Variants in NAV3 observed in about 807,000 individuals in gnomAD.
NAV3 encodes pore membrane and/or filament interacting like protein 1.
NAV3 carries 87 observed loss-of-function variants against 244.7 expected under a neutral mutation model. The ratio of observed to expected loss-of-function variants is 0.36; its 90% CI spans 0.30 to 0.42. NAV3 has a LOEUF of 0.42. Ranked by LOEUF, NAV3 falls within the 20% of genes least tolerant of loss-of-function variation. The probability of loss-of-function intolerance (pLI) is 1.00; values close to 1 mark genes in which losing one functional copy is unlikely to be tolerated. For synonymous variants in NAV3, 1,126 were observed against 1,042.2 expected (o/e 1.08, Z -1.55); for missense variants, 2,663 against 2,893.3 (o/e 0.92, Z 1.83).
rs1871243266 is a variant in NAV3 at position 77,618,783 on chromosome 12, T to C, written c.72+46517T>C. On this transcript the variant is annotated intron_variant, in intron 2 of 8. Transcript: ENST00000550042. ...AGAAATAGAGAAAGAAGGAAGAAGA[T>C]AGGAAGGAAGACAAGGCTGTACTTT... Among the ~76,000 whole-genome samples the C allele has an allele frequency of 2.0e-5, 3 of 152,244 alleles. No homozygotes were observed. In the South Asian group the frequency reaches 6.2e-4, roughly 32 times the overall value.
At chr12:78,083,895 C>T (rs903209329) in intron 12 of NAV3, among the ~76,000 whole-genome samples, 1 of 152,078 alleles carries the variant, frequency 6.6e-6, no homozygotes, top group African/African-American at 2.4e-5. Context: ...TCAAAATAAC[C>T]AGCCAAACAA....
intron 30 of NAV3, among the ~76,000 whole-genome samples, chr12:78,181,678 G>A (rs1217784077): frequency 6.6e-6 from 1 of 152,000 alleles, no homozygotes; most frequent in Admixed American, 6.6e-5. Context: ...ATCATTTCAA[G>A]GATAGAGAAT....
intron 1 of NAV3, among the ~76,000 whole-genome samples, chr12:77,936,425 G>C (rs1339782142): frequency 1.3e-5 from 2 of 152,146 alleles, no homozygotes; most frequent in Non-Finnish European, 2.9e-5. Context: ...ACTGGCTTCA[G>C]ATTTCCAGAG....
At chr12:77,589,670 T>A in intron 2 of NAV3, among the ~76,000 whole-genome samples, 1 of 152,360 alleles carries the variant, frequency 6.6e-6, no homozygotes, top group Admixed American at 6.5e-5. Flanking sequence ...ACCACCCCCA[T>A]GATTCAATCA....
chr12:77,595,841 A>G (rs927661919), intron 2 of NAV3, among the ~76,000 whole-genome samples: 3 of 152,184 alleles, frequency 2.0e-5, no homozygotes, highest in Non-Finnish European at 4.4e-5. Flanking sequence ...TATGAAGTAT[A>G]TTTGCTTTGC....
chr12:77,584,435 T>A (rs1363886151), intron 2 of NAV3, among the ~76,000 whole-genome samples: 1 of 152,156 alleles, frequency 6.6e-6, no homozygotes, highest in African/African-American at 2.4e-5. Context: ...AAAAAAAATT[T>A]TTTTTTTAAT....
chr12:78,097,815 C>CT lies in NAV3; in HGVS notation c.2637-18951dup, dbSNP rs1162902830. Reference sequence around the variant, plus strand: ...ACTAAGTTGTTGAGCTTTATCTAAGCTTTTTTATTTTTACATAACGTTTCC... The same window carrying CT: ...ACTAAGTTGTTGAGCTTTATCTAAGCTTTTTTTATTTTTACATAACGTTTCC... On this transcript the variant is annotated intron_variant, in intron 12 of 39. Coordinates refer to ENST00000397909, the MANE Select transcript of NAV3 (RefSeq NM_001024383.2). Among the ~76,000 whole-genome samples, 115 of 152,144 alleles carry CT rather than the reference C, an allele frequency of 7.6e-4. 1 individual carries two copies. Among genetic ancestry groups the CT allele is most frequent in the African/African-American group, 2.1e-3 (89 of 41,542 alleles).
At chr12:78,136,683 C>G (rs1956386838) in intron 18 of NAV3, among the ~76,000 whole-genome samples, 1 of 152,016 alleles carries the variant, frequency 6.6e-6, no homozygotes, top group Admixed American at 6.6e-5. Flanking sequence ...AATGATGGTC[C>G]TAATCATGAA....
intron 1 of NAV3, among the ~76,000 whole-genome samples, chr12:77,910,835 C>T (rs1182840209): frequency 1.3e-5 from 2 of 151,982 alleles, no homozygotes; most frequent in Non-Finnish European, 2.9e-5. Context: ...GGTGTGCCAC[C>T]AAAGTCATTT....
At position 77,621,888 on chromosome 12, in the gene NAV3, T is replaced by A. The variant is rs942598256; in HGVS notation, c.72+49622T>A. ...GACAATCATATAATTAATATTTCAC[T>A]ACCCGATATTTTATCATTTGATATC... On this transcript the variant is annotated intron_variant, in intron 2 of 8. Coordinates refer to the NAV3 transcript ENST00000550042. Among the ~76,000 whole-genome samples the A allele has an allele frequency of 2.0e-5, 3 of 152,172 alleles. No homozygotes were observed. In the East Asian group the frequency reaches 5.8e-4, roughly 29 times the overall value.
At chr12:77,800,041 A>G (rs1871627483) in intron 2 of NAV3, among the ~76,000 whole-genome samples, 1 of 152,162 alleles carries the variant, frequency 6.6e-6, no homozygotes, top group Admixed American at 6.5e-5. Context: ...ACTTGCTTTC[A>G]TAAAGATATA....
chr12:77,597,583 T>C (rs1025914589), intron 2 of NAV3, among the ~76,000 whole-genome samples: 1 of 152,150 alleles, frequency 6.6e-6, no homozygotes, highest in Non-Finnish European at 1.5e-5. Flanking sequence ...GGAATTTTAA[T>C]AGACTTTTAT....
intron 2 of NAV3, among the ~76,000 whole-genome samples, chr12:77,597,655 A>G (rs1266751256): frequency 1.3e-5 from 2 of 152,086 alleles, no homozygotes; most frequent in African/African-American, 2.4e-5. Context: ...AGATTTAACC[A>G]TGAAAATGCA....
At chr12:77,811,326 C>G (rs945063726) in intron 2 of NAV3, among the ~76,000 whole-genome samples, 3 of 152,128 alleles carry the variant, frequency 2.0e-5, no homozygotes, top group African/African-American at 7.2e-5. Flanking sequence ...CCCTCCAGAA[C>G]CCTAAAATCT....
At position 77,899,766 on chromosome 12, in the gene NAV3, T is replaced by C. The variant is rs76310881; in HGVS notation, c.244-40553T>C. 1.6e-3 allele frequency among the ~76,000 whole-genome samples: 244 copies of C among 152,320 alleles called. 1 individual carries two copies. Among genetic ancestry groups the C allele is most frequent in the African/African-American group, 5.0e-3 (209 of 41,570 alleles). Reference sequence around the variant, plus strand: ...CCGGAATTTAAAAGTTTGTATGCCTTTTTCAAAAAATAAAGCGTTAATTCA... The same window carrying C: ...CCGGAATTTAAAAGTTTGTATGCCTCTTTCAAAAAATAAAGCGTTAATTCA... On this transcript the variant is annotated intron_variant, in intron 1 of 39. Transcript: ENST00000397909.
chr12:77,763,550 G>A (rs1592659265), intron 2 of NAV3, among the ~76,000 whole-genome samples: 1 of 152,192 alleles, frequency 6.6e-6, no homozygotes, highest in African/African-American at 2.4e-5. Context: ...TACGAGTAAT[G>A]CACCATTGGT....
intron 2 of NAV3, among the ~76,000 whole-genome samples, chr12:77,752,897 G>C (rs1868934086): frequency 6.6e-6 from 1 of 152,094 alleles, no homozygotes; most frequent in Non-Finnish European, 1.5e-5. Context: ...TCAGGTTAGG[G>C]TTCTTTAAAG....
chr12:77,692,765 T>A (rs943326882), intron 2 of NAV3, among the ~76,000 whole-genome samples: 16 of 151,974 alleles, frequency 1.1e-4, no homozygotes, highest in African/African-American at 2.7e-4. Flanking sequence ...ATACCTTTTT[T>A]AAAAAAAATA....
At chr12:78,194,796 TG>T (rs1959132482) in intron 34 of NAV3, among the ~76,000 whole-genome samples, 1 of 152,128 alleles carries the variant, frequency 6.6e-6, no homozygotes, top group Admixed American at 6.6e-5. Flanking sequence ...TGTTTCTGAC[TG>T]GTTATTCTTC....
Sources: allele counts gnomAD v4.1 joint callset (sites outside exome capture counted in the v4.1 genomes callset), GRCh38; gene constraint gnomAD v4.1.1; transcripts MANE v1.5; gene names NCBI Gene and HGNC (gene_info 2026-07-23, HGNC 2026-07-21).